Variants in TTLL5 observed in about 807,000 individuals in gnomAD.
The protein encoded by TTLL5 is tubulin polyglutamylase TTLL5.
In TTLL5, 132 loss-of-function variants were observed where a neutral mutation model predicts 168.4. That is an observed-to-expected ratio of 0.78 (90% CI 0.68 to 0.91). The LOEUF is 0.91. Ranked by LOEUF, TTLL5 falls within the 40% of genes least tolerant of loss-of-function variation. The pLI is 0.00. For synonymous variants in TTLL5, 546 were observed against 558.6 expected, an observed-to-expected ratio of 0.98 and a Z score of 0.32; for missense variants, 1,545 against 1,581.5, an observed-to-expected ratio of 0.98 and a Z score of 0.39.
chr14:75,850,029 C>G (rs1211212473), intron 28 of TTLL5, among the ~76,000 whole-genome samples: 2 of 151,776 alleles, frequency 1.3e-5, no homozygotes, highest in East Asian at 3.9e-4. Flanking sequence ...TTGCTTGAGC[C>G]CAGGAGGCGG....
At chr14:75,876,124 AATAAGGGAAGGTCACCCATGTG>A (rs1259845247) in intron 29 of TTLL5, among the ~76,000 whole-genome samples, 1 of 152,200 alleles carries the variant, frequency 6.6e-6, no homozygotes, top group African/African-American at 2.4e-5. Flanking sequence ...TGTGGCTGCT[AATAAGGGAAGGTCACCCATGTG>A]ATGTCTTAGG....
chr14:75,708,299 T>C (rs903484589), intron 9 of TTLL5, among the ~76,000 whole-genome samples: 5 of 152,010 alleles, frequency 3.3e-5, no homozygotes, highest in African/African-American at 7.2e-5. Flanking sequence ...TTTTTTTTTT[T>C]CCTTAACATG....
intron 31 of TTLL5, among the ~76,000 whole-genome samples, chr14:75,902,999 A>G (rs2140091453): frequency 6.6e-6 from 1 of 152,308 alleles, no homozygotes; most frequent in Middle Eastern, 3.4e-3. Flanking sequence ...CCTGAGACAC[A>G]TAGAATAACA....
chr14:75,927,396 C>T (rs1019859732), intron 31 of TTLL5, among the ~76,000 whole-genome samples: 9 of 151,818 alleles, frequency 5.9e-5, no homozygotes, highest in African/African-American at 9.7e-5. Flanking sequence ...TAAAAACCAC[C>T]GAACTGTATA....
intron 28 of TTLL5, among the ~76,000 whole-genome samples, chr14:75,860,176 T>C (rs1897327915): frequency 6.6e-6 from 1 of 152,242 alleles, no homozygotes; most frequent in South Asian, 2.1e-4. Context: ...TTCTTATCCA[T>C]AATTCCTTAT....
At chr14:75,729,473 T>A (rs1888395963) in intron 12 of TTLL5, among the ~76,000 whole-genome samples, 1 of 149,018 alleles carries the variant, frequency 6.7e-6, no homozygotes, top group African/African-American at 2.4e-5. Flanking sequence ...CTTTAAGGAC[T>A]CTAGTTGCCT....
chr14:75,871,242 A>G (rs2139982370), intron 29 of TTLL5, among the ~76,000 whole-genome samples: 1 of 152,310 alleles, frequency 6.6e-6, no homozygotes, highest in South Asian at 2.1e-4. Context: ...CTAGGGGAAT[A>G]TTCTTCTGGA....
At chr14:75,848,403 G>A (rs892372345) in intron 28 of TTLL5, among the ~76,000 whole-genome samples, 5 of 152,076 alleles carry the variant, frequency 3.3e-5, no homozygotes, top group Admixed American at 6.5e-5. Flanking sequence ...GCTTGCCTTT[G>A]CAGAGTGTGA....
chr14:75,808,463 C>T (rs1253224173), intron 27 of TTLL5, among the ~76,000 whole-genome samples: 2 of 152,060 alleles, frequency 1.3e-5, no homozygotes, highest in African/African-American at 4.8e-5. Context: ...AATAAATGCT[C>T]GTGAAGTGCT....
chr14:75,890,801 C>A (rs886192273), intron 30 of TTLL5, among the ~76,000 whole-genome samples: 2 of 152,148 alleles, frequency 1.3e-5, no homozygotes, highest in Non-Finnish European at 2.9e-5. Flanking sequence ...CTCACTGCAG[C>A]CTCTGTCTCC....
chr14:75,751,139 C>A (rs1477039085), intron 17 of TTLL5, among the ~76,000 whole-genome samples: 1 of 152,174 alleles, frequency 6.6e-6, no homozygotes, highest in East Asian at 1.9e-4. Flanking sequence ...TCACGTCTTC[C>A]ACCCCAAAAT....
intron 27 of TTLL5, among the ~76,000 whole-genome samples, chr14:75,795,753 T>C (rs1406029312): frequency 3.3e-5 from 5 of 152,194 alleles, no homozygotes; most frequent in Admixed American, 3.3e-4. Flanking sequence ...AATACCATTA[T>C]TTTGTTCCTT....
intron 6 of TTLL5, 127 bp from the exon 7 acceptor site, chr14:75,699,061 A>G (rs1447889637): frequency 5.2e-6 from 4 of 765,612 alleles, no homozygotes. Flanking sequence ...ACTGCCCAAC[A>G]CTTAGAAATT....
chr14:75,706,236 C>G (rs1263760492), intron 7 of TTLL5, among the ~76,000 whole-genome samples: 1 of 152,174 alleles, frequency 6.6e-6, no homozygotes, highest in Non-Finnish European at 1.5e-5. Context: ...AACCTGGCAT[C>G]TTGTATTTAT....
At chr14:75,719,253 C>G (rs1887684411) in intron 10 of TTLL5, among the ~76,000 whole-genome samples, 1 of 152,192 alleles carries the variant, frequency 6.6e-6, no homozygotes, top group Non-Finnish European at 1.5e-5. Flanking sequence ...CTTCAGATGC[C>G]AAAGCAATTC....
At chr14:75,757,718 A>T in intron 18 of TTLL5, 1 of 848,540 alleles carries the variant, frequency 1.2e-6, no homozygotes, top group Non-Finnish European at 1.7e-6. Flanking sequence ...TCCTTGGCCT[A>T]ATGTCATGTT....
At chr14:75,934,576 T>G (rs1219525956) in intron 31 of TTLL5, among the ~76,000 whole-genome samples, 5 of 152,170 alleles carry the variant, frequency 3.3e-5, no homozygotes, top group Non-Finnish European at 5.9e-5. Flanking sequence ...AATAAATGCT[T>G]AAGTCTAGGT....
chr14:75,680,755 G>A (rs912138276), intron 3 of TTLL5, among the ~76,000 whole-genome samples: 7 of 151,536 alleles, frequency 4.6e-5, no homozygotes, highest in Admixed American at 2.0e-4. Flanking sequence ...CTCCCGAGTA[G>A]GTGGGATTAC....
At chr14:75,819,648 C>T (rs1375507110) in intron 27 of TTLL5, among the ~76,000 whole-genome samples, 1 of 152,198 alleles carries the variant, frequency 6.6e-6, no homozygotes, top group East Asian at 1.9e-4. Context: ...TTAGAACATT[C>T]AGATGAGGTA....
Sources: allele counts gnomAD v4.1 joint callset (sites outside exome capture counted in the v4.1 genomes callset), GRCh38; gene constraint gnomAD v4.1.1; transcripts MANE v1.5; gene names NCBI Gene and HGNC (gene_info 2026-07-23, HGNC 2026-07-21).